The following GABRG3 variants were observed in gnomAD, a reference collection of about 807,000 sequenced individuals.
GABRG3 encodes the protein gamma-aminobutyric acid receptor subunit gamma-3.
In GABRG3, 25 loss-of-function variants were observed where a neutral mutation model predicts 48.8. That is an observed-to-expected ratio of 0.51 (90% CI 0.37 to 0.72). GABRG3 has a LOEUF of 0.72. Among genes scored for constraint, GABRG3 ranks in the 30% least tolerant of loss-of-function variants. The pLI is 0.00. For synonymous variants in GABRG3, 227 were observed against 217.6 expected (o/e 1.04, Z -0.38); for missense variants, 394 against 577.9 (o/e 0.68, Z 3.26).
intron 5 of GABRG3, among the ~76,000 whole-genome samples, chr15:27,461,265 G>A (rs1484038368): frequency 7.2e-5 from 11 of 152,154 alleles, no homozygotes; most frequent in Non-Finnish European, 1.5e-5. Flanking sequence ...ACCCACATGT[G>A]TGCGTTATTT....
chr15:27,099,088 C>G (rs1897313412), intron 3 of GABRG3, among the ~76,000 whole-genome samples: 1 of 152,044 alleles, frequency 6.6e-6, no homozygotes, highest in South Asian at 2.1e-4. Context: ...TGAGTTTTGC[C>G]AACAGCAAGA....
chr15:27,207,711 G>A (rs208152), intron 3 of GABRG3, among the ~76,000 whole-genome samples: 27,309 of 152,106 alleles, frequency 0.18, 2,539 homozygotes, highest in East Asian at 0.33. Context: ...CTTTGCTAGC[G>A]CTCAAGGTGC....
chr15:27,312,450 G>A (rs1024107750), intron 3 of GABRG3, among the ~76,000 whole-genome samples: 4 of 152,046 alleles, frequency 2.6e-5, no homozygotes, highest in South Asian at 2.1e-4. Flanking sequence ...AAACCCAAAT[G>A]ACAATAAAAT....
At chr15:27,129,650 C>G (rs1434428906) in intron 3 of GABRG3, among the ~76,000 whole-genome samples, 1 of 151,720 alleles carries the variant, frequency 6.6e-6, no homozygotes, top group Non-Finnish European at 1.5e-5. Context: ...TACATTGTTA[C>G]CAGCAGTGCA....
At chr15:26,993,365 C>T (rs1895282316) in intron 2 of GABRG3, among the ~76,000 whole-genome samples, 2 of 151,932 alleles carry the variant, frequency 1.3e-5, no homozygotes, top group Admixed American at 6.6e-5. Context: ...CCTCTTAGTA[C>T]TAATTTTGCT....
At chr15:27,027,980 C>T (rs1896013578) in intron 3 of GABRG3, among the ~76,000 whole-genome samples, 1 of 152,224 alleles carries the variant, frequency 6.6e-6, no homozygotes, top group Admixed American at 6.5e-5. Flanking sequence ...GAAGAAGTGC[C>T]TTCCTGGATA....
Position 27,359,562 on chromosome 15 carries a change from A to G in GABRG3, c.574+30674A>G, listed in dbSNP as rs1239108454. ...CAGGATATTATAAATTCTGATTTGA[A>G]GCTAAGGAAACAAACATTGGCAATC... On this transcript the variant is annotated intron_variant, in intron 5 of 9. Transcript: ENST00000615808. Among the ~76,000 whole-genome samples the G allele has an allele frequency of 2.0e-5, 3 of 152,236 alleles. No homozygotes were observed. The East Asian group carries it at 5.8e-4, about 29-fold the overall frequency.
intron 3 of GABRG3, among the ~76,000 whole-genome samples, chr15:27,316,320 A>G (rs112556394): frequency 0.014 from 2,060 of 147,854 alleles, 28 homozygotes; most frequent in African/African-American, 0.033. Context: ...CCCGGGAGGC[A>G]GAGCTTGCAG....
At chr15:27,173,337 G>A (rs1229060321) in intron 3 of GABRG3, among the ~76,000 whole-genome samples, 1 of 151,978 alleles carries the variant, frequency 6.6e-6, no homozygotes, top group African/African-American at 2.4e-5. Context: ...ATCCTAACAG[G>A]GCTGCAGCAC....
intron 3 of GABRG3, among the ~76,000 whole-genome samples, chr15:27,122,747 G>A (rs771934933): frequency 5.9e-5 from 9 of 152,178 alleles, no homozygotes; most frequent in Non-Finnish European, 7.3e-5. Flanking sequence ...GCCTTGGTAC[G>A]ACTTTAGCTA....
intron 5 of GABRG3, among the ~76,000 whole-genome samples, chr15:27,478,344 G>C (rs1595781781): frequency 2.0e-5 from 3 of 152,080 alleles, no homozygotes; most frequent in African/African-American, 7.2e-5. Flanking sequence ...ATCAGCAAAA[G>C]ATCTCAACAA....
chr15:27,532,636 G>A lies in GABRG3; in HGVS notation c.1159G>A (p.Ala387Thr), dbSNP rs761298880. Residue 387 changes from alanine to threonine, a missense_variant, in exon 10 of 10, where the codon GCG becomes ACG. Ala to Thr is a moderately conservative substitution (Grantham distance 58). Transcript: ENST00000615808. ...CCTGGACATGAGGCCACCACCAACT[G>A]CGATGATCACTTTAAACAATTCCGT... ...SLLDMRPPPT[A>T]MITLNNSVYW... The A allele has an allele frequency of 3.7e-6, 6 of 1,613,880 alleles. No individual in the cohort carries two copies. Among genetic ancestry groups the A allele is most frequent in the Non-Finnish European group, 5.1e-6 (6 of 1,179,860 alleles).
chr15:27,298,434 A>G (rs1031423051), intron 3 of GABRG3, among the ~76,000 whole-genome samples: 1 of 152,104 alleles, frequency 6.6e-6, no homozygotes, highest in Non-Finnish European at 1.5e-5. Context: ...GAGGGGAAAG[A>G]GGGAGGTTGT....
intron 2 of GABRG3, among the ~76,000 whole-genome samples, chr15:27,009,124 G>T (rs1895641122): frequency 1.3e-5 from 2 of 152,148 alleles, no homozygotes; most frequent in African/African-American, 4.8e-5. Context: ...CTCTTCAGCT[G>T]CCCTGAGCAT....
chr15:27,154,533 C>T (rs1242622135), intron 3 of GABRG3, among the ~76,000 whole-genome samples: 1 of 152,154 alleles, frequency 6.6e-6, no homozygotes, highest in Non-Finnish European at 1.5e-5. Context: ...AGAGGTTTTA[C>T]TAAGAATGGG....
intron 3 of GABRG3, among the ~76,000 whole-genome samples, chr15:27,100,356 A>G (rs1482708483): frequency 2.0e-5 from 3 of 152,210 alleles, no homozygotes; most frequent in Non-Finnish European, 2.9e-5. Context: ...CAAAAAAGAA[A>G]TCTTGAGTTT....
chr15:27,068,188 C>A (rs1241027458), intron 3 of GABRG3, among the ~76,000 whole-genome samples: 1 of 152,242 alleles, frequency 6.6e-6, no homozygotes, highest in East Asian at 1.9e-4. Flanking sequence ...TGGGGAATTA[C>A]TCCACTGAAA....
At chr15:26,993,759 T>C (rs928329590) in intron 2 of GABRG3, among the ~76,000 whole-genome samples, 11 of 151,988 alleles carry the variant, frequency 7.2e-5, no homozygotes, top group Non-Finnish European at 1.5e-5. Flanking sequence ...TCTTTGTTGA[T>C]TTTCTGTCTG....
chr15:27,470,749 T>C (rs1889763216), intron 5 of GABRG3, among the ~76,000 whole-genome samples: 1 of 152,174 alleles, frequency 6.6e-6, no homozygotes, highest in Admixed American at 6.5e-5. Flanking sequence ...GGGTACTTTT[T>C]TGCCATGCTT....
Sources: allele counts gnomAD v4.1 joint callset (sites outside exome capture counted in the v4.1 genomes callset), GRCh38; gene constraint gnomAD v4.1.1; transcripts MANE v1.5; gene names NCBI Gene and HGNC (gene_info 2026-07-23, HGNC 2026-07-21).